Variants in CDH13 observed in about 807,000 individuals in gnomAD.
CDH13 encodes the protein cadherin 13.
In CDH13, 24 loss-of-function variants were observed where a neutral mutation model predicts 63.8. The observed-to-expected ratio is 0.38, with a 90% CI of 0.27 to 0.53. CDH13 has a LOEUF of 0.53. CDH13 is among the 20% of genes least tolerant of loss of function. The pLI is 0.85. For synonymous variants in CDH13, 503 were observed against 355.3 expected (o/e 1.42, Z -4.67); for missense variants, 1,049 against 903.1 (o/e 1.16, Z -2.07).
At chr16:83,609,201 C>A (rs1269874927) in intron 8 of CDH13, among the ~76,000 whole-genome samples, 1 of 152,114 alleles carries the variant, frequency 6.6e-6, no homozygotes, top group Non-Finnish European at 1.5e-5. Context: ...TGAATGCGGC[C>A]CAACACAAAT....
At chr16:83,163,325 T>C (rs943470203) in intron 4 of CDH13, among the ~76,000 whole-genome samples, 3 of 152,016 alleles carry the variant, frequency 2.0e-5, no homozygotes, top group African/African-American at 7.2e-5. Flanking sequence ...CCTACATAGG[T>C]TCTCTGCATT....
chr16:83,788,013 A>C (rs13336343), intron 13 of CDH13, among the ~76,000 whole-genome samples: 1 of 152,168 alleles, frequency 6.6e-6, no homozygotes, highest in Non-Finnish European at 1.5e-5. Flanking sequence ...AGTACTTCCT[A>C]TGTGATTGCA....
intron 2 of CDH13, among the ~76,000 whole-genome samples, chr16:83,014,776 G>T (rs60470771): frequency 1.9e-4 from 7 of 37,296 alleles, no homozygotes; most frequent in South Asian, 8.0e-4. Flanking sequence ...ATATATATAT[G>T]TATATATATA....
chr16:82,938,101 AAT>A (rs1183448749), intron 2 of CDH13, among the ~76,000 whole-genome samples: 2 of 152,238 alleles, frequency 1.3e-5, no homozygotes, highest in Admixed American at 1.3e-4. Flanking sequence ...ACGGAAAGAT[AAT>A]ACTTTTTCCA....
chr16:83,195,615 G>T (rs2038856027), intron 4 of CDH13, among the ~76,000 whole-genome samples: 1 of 152,098 alleles, frequency 6.6e-6, no homozygotes, highest in African/African-American at 2.4e-5. Flanking sequence ...CCCCCGCCGT[G>T]ATCCCATCAC....
At chr16:83,115,396 A>T (rs1214566713) in intron 3 of CDH13, among the ~76,000 whole-genome samples, 1 of 152,256 alleles carries the variant, frequency 6.6e-6, no homozygotes, top group Non-Finnish European at 1.5e-5. Flanking sequence ...TGGTGAATCC[A>T]GGACTAGGAT....
chr16:83,563,097 T>A (rs1193257425), intron 7 of CDH13, among the ~76,000 whole-genome samples: 1 of 152,202 alleles, frequency 6.6e-6, no homozygotes, highest in Non-Finnish European at 1.5e-5. Context: ...ATATGAATGA[T>A]GCGTGAATTA....
intron 4 of CDH13, among the ~76,000 whole-genome samples, chr16:83,163,319 C>G (rs946893284): frequency 1.3e-5 from 2 of 152,056 alleles, no homozygotes; most frequent in Non-Finnish European, 2.9e-5. Flanking sequence ...TTGTTCCCTA[C>G]ATAGGTTCTC....
At chr16:83,289,567 G>T (rs1481897483) in intron 5 of CDH13, among the ~76,000 whole-genome samples, 3 of 152,072 alleles carry the variant, frequency 2.0e-5, no homozygotes, top group African/African-American at 7.2e-5. Context: ...CTGTTTTAAT[G>T]GAGTAAACAT....
intron 7 of CDH13, among the ~76,000 whole-genome samples, chr16:83,572,667 C>T (rs1292451339): frequency 6.6e-6 from 1 of 152,152 alleles, no homozygotes; most frequent in African/African-American, 2.4e-5. Flanking sequence ...TGGCCACTTC[C>T]GGGACATGGG....
chr16:83,408,515 T>C (rs1374872843), intron 6 of CDH13, among the ~76,000 whole-genome samples: 1 of 152,142 alleles, frequency 6.6e-6, no homozygotes, highest in Admixed American at 6.5e-5. Flanking sequence ...ACAGTAAATA[T>C]GTGTGTATCT....
At chr16:82,824,902 T>C (rs1294595861) in intron 1 of CDH13, 2 of 152,250 alleles carry the variant, frequency 1.3e-5, no homozygotes, top group African/African-American at 4.8e-5. Context: ...TGTTCAGTTA[T>C]GATAATGCAT....
At chr16:83,031,016 G>A (rs2151471674) in intron 2 of CDH13, among the ~76,000 whole-genome samples, 1 of 151,788 alleles carries the variant, frequency 6.6e-6, no homozygotes, top group East Asian at 2.0e-4. Flanking sequence ...GGAAATGGAT[G>A]GTGGATAGGC....
chr16:83,045,075 T>A (rs1055869089), intron 3 of CDH13, among the ~76,000 whole-genome samples: 2 of 152,172 alleles, frequency 1.3e-5, no homozygotes, highest in Admixed American at 1.3e-4. Context: ...CCCAGAGAGA[T>A]TCACATGGAG....
intron 1 of CDH13, among the ~76,000 whole-genome samples, chr16:82,833,288 C>T (rs1428871783): frequency 1.3e-5 from 2 of 152,198 alleles, no homozygotes; most frequent in African/African-American, 4.8e-5. Context: ...TTCTTTCATC[C>T]TTCGAATGAT....
Position 83,125,471 on chromosome 16 carries a change from G to C in CDH13, c.453G>C (p.Gln151His), listed in dbSNP as rs1210631641. ...CTCCCATTTTAATTCCAGAGAATCA[G>C]AGACAGCCTTTCCCAAGAGATGTTG... is the stretch of plus-strand genomic sequence containing the variant. ...VVSPILIPENQRQPFPRDVGK... is the reference protein window; with the variant it reads ...VVSPILIPENHRQPFPRDVGK... Residue 151 changes from glutamine (Q) to histidine (H), a missense_variant, in exon 4 of 14, where the codon CAG (glutamine) becomes CAC (histidine). Coordinates refer to ENST00000567109, the MANE Select transcript of CDH13 (RefSeq NM_001257.5). 6.2e-7 allele frequency: 1 copy of C among 1,608,310 alleles called. No individual in the cohort carries two copies. The highest frequency in any genetic ancestry group is 8.5e-7 in the Non-Finnish European group (1 of 1,174,798).
intron 7 of CDH13, among the ~76,000 whole-genome samples, chr16:83,487,480 T>C (rs1432452179): frequency 2.6e-5 from 4 of 152,138 alleles, no homozygotes; most frequent in Admixed American, 2.0e-4. Flanking sequence ...TCGATTACGT[T>C]TCCACGTGCA....
intron 11 of CDH13, among the ~76,000 whole-genome samples, chr16:83,767,585 G>C (rs900467167): frequency 6.6e-6 from 1 of 152,118 alleles, no homozygotes; most frequent in African/African-American, 2.4e-5. Context: ...TAGACAAAAA[G>C]TGGAAACAAC....
At chr16:82,680,986 G>A (rs1914480404) in intron 1 of CDH13, among the ~76,000 whole-genome samples, 1 of 152,216 alleles carries the variant, frequency 6.6e-6, no homozygotes, top group Non-Finnish European at 1.5e-5. Flanking sequence ...AGCCCATAAA[G>A]AAGACAGGAC....
Sources: gnomAD v4.1 joint callset for allele counts (sites outside exome capture counted in the v4.1 genomes callset) on GRCh38, gnomAD v4.1.1 for gene constraint, MANE v1.5 for transcripts, NCBI Gene and HGNC (gene_info 2026-07-23, HGNC 2026-07-21) for gene names.